The following IQCJ variants were observed in gnomAD, a reference collection of about 807,000 sequenced individuals.
IQCJ encodes the protein IQ domain-containing protein J.
Under a neutral mutation model 11.0 loss-of-function variants are expected in IQCJ, and 9 were observed. That is an observed-to-expected ratio of 0.82 (90% CI 0.49 to 1.43). IQCJ has a LOEUF of 1.43. IQCJ is among the 40% of genes most tolerant of loss of function. IQCJ has a pLI of 0.00. For missense variants in IQCJ, 146 were observed against 133.2 expected (o/e 1.10, Z -0.47); for synonymous variants, 55 against 51.3 (o/e 1.07, Z -0.31).
intron 1 of IQCJ, among the ~76,000 whole-genome samples, chr3:159,198,763 A>C (rs773495852): frequency 2.6e-5 from 4 of 152,222 alleles, no homozygotes; most frequent in Non-Finnish European, 4.4e-5. Flanking sequence ...GGAAATGTAG[A>C]AATTTAGAAT....
intron 1 of IQCJ, among the ~76,000 whole-genome samples, chr3:159,139,929 C>G (rs1489993967): frequency 6.6e-6 from 1 of 152,118 alleles, no homozygotes; most frequent in Non-Finnish European, 1.5e-5. Flanking sequence ...GATCCAAACC[C>G]AGGTCTTCTG....
At chr3:159,171,121 C>G (rs564695412) in intron 1 of IQCJ, among the ~76,000 whole-genome samples, 1 of 151,970 alleles carries the variant, frequency 6.6e-6, no homozygotes, top group Admixed American at 6.6e-5. Context: ...ACAAATATGG[C>G]CAGTGTTTAG....
At chr3:159,085,156 G>C (rs1287803700) in intron 1 of IQCJ, among the ~76,000 whole-genome samples, 2 of 151,804 alleles carry the variant, frequency 1.3e-5, no homozygotes, top group Admixed American at 1.3e-4. Flanking sequence ...CTATTAGTGA[G>C]AATATGCAGT....
intron 1 of IQCJ, among the ~76,000 whole-genome samples, chr3:159,119,517 A>T (rs578103746): frequency 2.0e-5 from 3 of 152,300 alleles, no homozygotes; most frequent in African/African-American, 7.2e-5. Flanking sequence ...TTGCTTTTTC[A>T]TAGAACATTT....
intron 1 of IQCJ, among the ~76,000 whole-genome samples, chr3:159,078,952 C>T (rs1716124651): frequency 6.6e-6 from 1 of 151,944 alleles, no homozygotes; most frequent in Non-Finnish European, 1.5e-5. Flanking sequence ...CAATAAACAC[C>T]CATGGCAATA....
intron 1 of IQCJ, among the ~76,000 whole-genome samples, chr3:159,137,852 A>G (rs1013791866): frequency 3.3e-5 from 5 of 152,210 alleles, no homozygotes; most frequent in African/African-American, 1.2e-4. Flanking sequence ...TTAGATTTGT[A>G]AAATAAAATT....
In IQCJ at chr3:159,072,384, A is replaced by T. The variant is rs192820364; in HGVS notation, c.9+2943A>T. On this transcript the variant is annotated intron_variant, in intron 1 of 3. Coordinates refer to ENST00000397832, the MANE Select transcript of IQCJ (RefSeq NM_001042706.3). ...AGAGTAATAGGAGAATTTGGAGTGGATGGAAAAGAAAGGAGAAGTAAATCA... is the reference window on the plus strand; with the variant it reads ...AGAGTAATAGGAGAATTTGGAGTGGTTGGAAAAGAAAGGAGAAGTAAATCA... 5.3e-3 allele frequency among the ~76,000 whole-genome samples: 804 copies of T among 152,136 alleles called. 9 individuals are homozygous for T. The highest frequency in any genetic ancestry group is 0.01 in the Middle Eastern group (3 of 294).
At position 159,262,565 on chromosome 3, in the gene IQCJ, G is replaced by A. The variant is rs377145005; in HGVS notation, c.173G>A (p.Arg58Gln). 51 of 1,613,432 alleles carry A rather than the reference G, an allele frequency of 3.2e-5. No homozygotes were observed. Among genetic ancestry groups the A allele is most frequent in the African/African-American group, 5.3e-5 (4 of 74,910 alleles). The change falls in exon 4 of 4, where the codon CGA becomes CAA. Residue 58 changes from arginine to glutamine, a missense_variant. Coordinates refer to ENST00000397832, the MANE Select transcript of IQCJ (RefSeq NM_001042706.3). Reference sequence around the variant, plus strand: ...TTTTTCAGCATTCAGCGAGCATGGCGAGAGTACCTGCAGCGGCAGGAGCCC... The same window carrying A: ...TTTTTCAGCATTCAGCGAGCATGGCAAGAGTACCTGCAGCGGCAGGAGCCC... ...SKVKIIQRAW[R>Q]EYLQRQEPLG...
chr3:159,135,766 C>T (rs1415481723), intron 1 of IQCJ, among the ~76,000 whole-genome samples: 2 of 152,086 alleles, frequency 1.3e-5, no homozygotes, highest in African/African-American at 4.8e-5. Context: ...ATTATGTGGC[C>T]AGGAAGAAGG....
chr3:159,088,227 T>C (rs1470685134), intron 1 of IQCJ, among the ~76,000 whole-genome samples: 14 of 152,098 alleles, frequency 9.2e-5, no homozygotes, highest in East Asian at 1.9e-4. Context: ...AGTTGAGCGG[T>C]TTTGAGTGAG....
rs537944863 is a variant in IQCJ at position 159,242,880 on chromosome 3, G to A, written c.10-2963G>A. Among the ~76,000 whole-genome samples, 5 of 152,142 alleles carry A rather than the reference G, an allele frequency of 3.3e-5. No homozygotes were observed. In the East Asian group the frequency reaches 9.7e-4, roughly 29 times the overall value. ...ATTTGCTTGTCAAAATATATTGATT[G>A]GGAAGAAATATTAGCAACACATACA... On this transcript the variant is annotated intron_variant, in intron 1 of 3. Transcript: ENST00000397832.
chr3:159,245,502 C>T (rs1341114919), intron 1 of IQCJ, among the ~76,000 whole-genome samples: 2 of 143,682 alleles, frequency 1.4e-5, no homozygotes, highest in African/African-American at 5.2e-5. Context: ...CACTCTGTCG[C>T]CCAGGCTGGA....
At chr3:159,092,742 C>T (rs1717416633) in intron 1 of IQCJ, among the ~76,000 whole-genome samples, 1 of 106,006 alleles carries the variant, frequency 9.4e-6, no homozygotes, top group Non-Finnish European at 1.9e-5. Flanking sequence ...CATTTAGAAA[C>T]AACGGGGGGA....
At chr3:159,115,748 C>G (rs999336496) in intron 1 of IQCJ, among the ~76,000 whole-genome samples, 1 of 152,176 alleles carries the variant, frequency 6.6e-6, no homozygotes. Flanking sequence ...TAGGGAGACC[C>G]ATCTCTAAAA....
At chr3:159,082,016 T>G (rs1266103378) in intron 1 of IQCJ, among the ~76,000 whole-genome samples, 2 of 152,110 alleles carry the variant, frequency 1.3e-5, no homozygotes, top group Admixed American at 1.3e-4. Context: ...AACTTGTTGA[T>G]TCAAGGGGAA....
chr3:159,213,318 C>T (rs977392398), intron 1 of IQCJ, among the ~76,000 whole-genome samples: 56 of 152,146 alleles, frequency 3.7e-4, no homozygotes, highest in African/African-American at 1.2e-3. Context: ...TTTGTCTCCA[C>T]GGGTGCTGAC....
chr3:159,156,736 A>G (rs953526334), intron 1 of IQCJ, among the ~76,000 whole-genome samples: 4 of 152,142 alleles, frequency 2.6e-5, no homozygotes, highest in Non-Finnish European at 4.4e-5. Context: ...ACTTTTGCAT[A>G]CCCTTAAGTT....
chr3:159,165,024 T>G (rs1302378323), intron 1 of IQCJ, among the ~76,000 whole-genome samples: 2 of 152,132 alleles, frequency 1.3e-5, no homozygotes, highest in African/African-American at 4.8e-5. Flanking sequence ...TACATCTTAT[T>G]CACCAAAATT....
chr3:159,207,323 G>A (rs1724708223), intron 1 of IQCJ, among the ~76,000 whole-genome samples: 1 of 152,098 alleles, frequency 6.6e-6, no homozygotes, highest in South Asian at 2.1e-4. Flanking sequence ...AGTGGCCACA[G>A]CATTCAACTG....
Sources: gnomAD v4.1 joint callset for allele counts (sites outside exome capture counted in the v4.1 genomes callset) on GRCh38, gnomAD v4.1.1 for gene constraint, MANE v1.5 for transcripts, NCBI Gene and HGNC (gene_info 2026-07-23, HGNC 2026-07-21) for gene names.